ABLIM1: variants seen among roughly 807,000 people sequenced by gnomAD.
The protein encoded by ABLIM1 is actin-binding LIM protein 1.
A neutral mutation model predicts 107.0 loss-of-function variants in ABLIM1; 40 were observed. The observed-to-expected ratio is 0.37, with a 90% CI of 0.29 to 0.49. The LOEUF (loss-of-function observed/expected upper bound fraction) is 0.49. ABLIM1 is among the 20% of genes least tolerant of loss of function. The pLI is 0.97. For synonymous variants in ABLIM1, 357 were observed against 357.3 expected, an observed-to-expected ratio of 1.00 and a Z score of 0.01; for missense variants, 857 against 1,008.5, an observed-to-expected ratio of 0.85 and a Z score of 2.04.
At chr10:114,516,023 T>C (rs2062756500) in intron 6 of ABLIM1, among the ~76,000 whole-genome samples, 2 of 152,176 alleles carry the variant, frequency 1.3e-5, no homozygotes, top group Non-Finnish European at 2.9e-5. Context: ...AAAATACAGC[T>C]GGTTTGAGGT....
intron 1 of ABLIM1, among the ~76,000 whole-genome samples, chr10:114,625,399 AAGAC>A (rs1236290313): frequency 2.6e-5 from 4 of 152,102 alleles, no homozygotes; most frequent in Non-Finnish European, 5.9e-5. Context: ...GTGTTTTGGG[AAGAC>A]AGACAGCATT....
At chr10:114,663,903 G>A (rs970815901) in intron 1 of ABLIM1, among the ~76,000 whole-genome samples, 1 of 152,182 alleles carries the variant, frequency 6.6e-6, no homozygotes, top group African/African-American at 2.4e-5. Context: ...GTTCCCCACC[G>A]TGGCTCTCCC....
Position 114,498,006 on chromosome 10 carries a change from CACA to C in ABLIM1, c.895-6131_895-6129del, listed in dbSNP as rs1161190465. Among the ~76,000 whole-genome samples, 7 of 152,268 alleles carry C rather than the reference CACA, an allele frequency of 4.6e-5. No individual in the cohort carries two copies. The East Asian group carries it at 1.2e-3, about 25-fold the overall frequency. On this transcript the variant is annotated intron_variant, in intron 6 of 22. Coordinates refer to ENST00000533213, the MANE Select transcript of ABLIM1 (RefSeq NM_002313.7). ...CTCTAATGCAAAATTTAGTGTAAGT[CACA>C]ACATTTTTTATGAAACCCTTTGTCT...
chr10:114,703,896 G>A (rs1006515180), intron 1 of ABLIM1, among the ~76,000 whole-genome samples: 2 of 152,114 alleles, frequency 1.3e-5, no homozygotes, highest in Non-Finnish European at 2.9e-5. Context: ...CTCACTACAC[G>A]TGAGCTTCAC....
chr10:114,579,666 T>C (rs778566060), intron 2 of ABLIM1, among the ~76,000 whole-genome samples: 1 of 152,214 alleles, frequency 6.6e-6, no homozygotes, highest in Non-Finnish European at 1.5e-5. Context: ...ATTCACATTG[T>C]TGTGCAACCA....
intron 1 of ABLIM1, among the ~76,000 whole-genome samples, chr10:114,710,998 C>T (rs147187101): frequency 2.5e-3 from 376 of 152,198 alleles, no homozygotes; most frequent in African/African-American, 8.6e-3. Context: ...AAGCTCATGC[C>T]GGTTTATATG....
chr10:114,560,582 C>T (rs138562168), intron 4 of ABLIM1, among the ~76,000 whole-genome samples: 3 of 152,318 alleles, frequency 2.0e-5, no homozygotes, highest in Admixed American at 2.0e-4. Context: ...GAGTAATAGG[C>T]TATGCCATAT....
intron 1 of ABLIM1, among the ~76,000 whole-genome samples, chr10:114,645,405 T>G (rs1176774729): frequency 6.6e-6 from 1 of 152,204 alleles, no homozygotes; most frequent in Non-Finnish European, 1.5e-5. Context: ...CCTCTACCAG[T>G]GATTCCTAGG....
intron 1 of ABLIM1, among the ~76,000 whole-genome samples, chr10:114,635,414 G>T (rs907971400): frequency 3.3e-5 from 5 of 152,234 alleles, no homozygotes; most frequent in Admixed American, 3.3e-4. Context: ...CCTCTACAGA[G>T]CCATGGGTCA....
upstream of ABLIM1, among the ~76,000 whole-genome samples, chr10:114,769,345 TAAGAAAGAAAGAAA>T (rs1461141556): frequency 1.8e-5 from 2 of 113,866 alleles, no homozygotes; most frequent in Admixed American, 1.9e-4. Context: ...TCCATCGAGA[TAAGAAAGAAAGAAA>T]AAGAAAGAAA....
Position 114,644,821 on chromosome 10 carries a change from C to T in ABLIM1, c.244+13136G>A, listed in dbSNP as rs941922371. ...CAGGCCAGGTGCAGGCATCACAGAA[C>T]CATGTGTAGACCAAAGTCCCAAGGG... On this transcript the variant is annotated intron_variant, in intron 1 of 22. Transcript: ENST00000533213. Among the ~76,000 whole-genome samples, 47 of 152,108 alleles carry T rather than the reference C, an allele frequency of 3.1e-4. 1 individual carries two copies. Among genetic ancestry groups the T allele is most frequent in the Admixed American group, 2.4e-3 (36 of 15,280 alleles).
chr10:114,688,221 G>A (rs2080988297), upstream of ABLIM1, among the ~76,000 whole-genome samples: 1 of 152,068 alleles, frequency 6.6e-6, no homozygotes, highest in African/African-American at 2.4e-5. Flanking sequence ...ATTTCCAGGT[G>A]GGTCCCATGA....
intron 15 of ABLIM1, 78 bp from the exon 16 acceptor site, chr10:114,445,481 A>C (rs1257261860): frequency 1.6e-6 from 2 of 1,276,114 alleles, no homozygotes; most frequent in Non-Finnish European, 2.3e-6. Context: ...ATCTGTGTTC[A>C]GTTTGTTAGG....
At chr10:114,742,561 T>A (rs931508720) in intron 1 of ABLIM1, among the ~76,000 whole-genome samples, 8 of 152,082 alleles carry the variant, frequency 5.3e-5, no homozygotes, top group African/African-American at 1.9e-4. Flanking sequence ...AGAAAACAAA[T>A]CTCTTCCTGA....
At chr10:114,716,692 A>C (rs1231719436) in intron 1 of ABLIM1, among the ~76,000 whole-genome samples, 1 of 152,216 alleles carries the variant, frequency 6.6e-6, no homozygotes, top group Non-Finnish European at 1.5e-5. Flanking sequence ...AATCTGAGGC[A>C]AAAGTGAGTC....
At chr10:114,656,201 C>T (rs1452193262) in intron 1 of ABLIM1, among the ~76,000 whole-genome samples, 1 of 134,754 alleles carries the variant, frequency 7.4e-6, no homozygotes, top group Non-Finnish European at 1.5e-5. Context: ...ACTCAGGAGG[C>T]AGAGGTTGCA....
intron 1 of ABLIM1, chr10:114,632,496 C>CA: frequency 1.0e-6 from 1 of 983,494 alleles, no homozygotes; most frequent in South Asian, 4.8e-5. Flanking sequence ...TAATGTAAAA[C>CA]AAAAACAGAA....
chr10:114,526,462 G>A (rs1424726035), intron 6 of ABLIM1, among the ~76,000 whole-genome samples: 2 of 152,110 alleles, frequency 1.3e-5, no homozygotes, highest in East Asian at 3.8e-4. Context: ...AGCTCCTGTC[G>A]TTTCTTTTGT....
intron 1 of ABLIM1, among the ~76,000 whole-genome samples, chr10:114,636,578 C>G (rs1427608773): frequency 1.3e-5 from 2 of 152,110 alleles, no homozygotes; most frequent in Non-Finnish European, 2.9e-5. Context: ...CCCAGGTCAA[C>G]AGAATAAAAA....
Sources: allele counts gnomAD v4.1 joint callset (sites outside exome capture counted in the v4.1 genomes callset), GRCh38; gene constraint gnomAD v4.1.1; transcripts MANE v1.5; gene names NCBI Gene and HGNC (gene_info 2026-07-23, HGNC 2026-07-21).